NOTCH1: variants seen among roughly 807,000 people sequenced by gnomAD.
The protein encoded by NOTCH1 is notch receptor 1.
A neutral mutation model predicts 254.8 loss-of-function variants in NOTCH1; 37 were observed. That is an observed-to-expected ratio of 0.15 (90% confidence interval 0.11 to 0.19). The LOEUF is 0.19. Among genes scored for constraint, NOTCH1 ranks in the 10% least tolerant of loss-of-function variants. The pLI is 1.00. For missense variants in NOTCH1, 2,972 were observed against 3,708.6 expected, an observed-to-expected ratio of 0.80 and a Z score of 5.16; for synonymous variants, 1,731 against 1,618.1, an observed-to-expected ratio of 1.07 and a Z score of -1.68.
At chr9:136,526,920 A>G (rs1843469492) in intron 2 of NOTCH1, among the ~76,000 whole-genome samples, 1 of 151,906 alleles carries the variant, frequency 6.6e-6, no homozygotes, top group Non-Finnish European at 1.5e-5. Context: ...CCCGTGGGGG[A>G]ATGCAGGCTG....
Position 136,502,255 on chromosome 9 carries a change from G to A in NOTCH1, c.5384+17C>T, listed in dbSNP as rs1843009580. Reference sequence around the variant, plus strand: ...CCTCCCACCGGGGACCCAGAAGCAGGGGCGGCGTCCGCTCACTTGAGGCCC... The same window carrying A: ...CCTCCCACCGGGGACCCAGAAGCAGAGGCGGCGTCCGCTCACTTGAGGCCC... On this transcript the variant is annotated intron_variant, in intron 28 of 33. Transcript: ENST00000651671. 5.0e-6 allele frequency: 8 copies of A among 1,608,670 alleles called. No individual in the cohort carries two copies. The East Asian group carries it at 1.1e-4, about 22-fold the overall frequency.
intron 2 of NOTCH1, among the ~76,000 whole-genome samples, chr9:136,525,541 A>G (rs939328662): frequency 7.9e-5 from 12 of 152,184 alleles, no homozygotes; most frequent in African/African-American, 2.9e-4. Context: ...CCTCCTCCAG[A>G]TGGGATGTAC....
At chr9:136,500,488 A>T (rs2133325142) in intron 31 of NOTCH1, 64 bp downstream of exon 31, 1 of 1,589,112 alleles carries the variant, frequency 6.3e-7, no homozygotes, top group South Asian at 1.1e-5. Flanking sequence ...AAGCCTGGCC[A>T]CTGCCCCAGA....
At position 136,498,912 on chromosome 9, in the gene NOTCH1, A is replaced by C; in HGVS notation, c.6167T>G (p.Met2056Arg). ...CCTCGCGCTCACCCTGTTGTTCTGCATATCTTTGTTAGCCCCGTTCTTCAG... is the reference window on the plus strand; with the variant it reads ...CCTCGCGCTCACCCTGTTGTTCTGCCTATCTTTGTTAGCCCCGTTCTTCAG... ...VLLKNGANKD[M>R]QNNREETPLF... Residue 2056 changes from methionine (M) to arginine (R), a missense_variant, in exon 33 of 34, where the codon ATG becomes AGG. This residue lies in a region of NOTCH1 where 421 missense variants were observed against 604.4 expected (regional missense o/e 0.70). Transcript: ENST00000651671. The C allele has an allele frequency of 6.2e-7, 1 of 1,613,616 alleles. No homozygotes were observed. The highest frequency in any genetic ancestry group is 1.6e-4 in the Middle Eastern group (1 of 6,062).
chr9:136,495,956 T>C lies in NOTCH1; in HGVS notation c.*115A>G. ...AAAATTAAAATCCTCGTTCTTATTTTGTATAAAAACATGTGTTTTAAAAAG... is the reference window on the plus strand; with the variant it reads ...AAAATTAAAATCCTCGTTCTTATTTCGTATAAAAACATGTGTTTTAAAAAG... On this transcript the variant is annotated 3_prime_UTR_variant, in exon 34 of 34. Coordinates refer to ENST00000651671, the MANE Select transcript of NOTCH1 (RefSeq NM_017617.5). The C allele has an allele frequency of 9.1e-7, 1 of 1,100,394 alleles. No homozygotes were observed. The highest frequency in any genetic ancestry group is 1.3e-6 in the Non-Finnish European group (1 of 787,994). The allele number at this position is 1,100,394 out of a possible 1,614,324, so 68.2% of individuals were successfully genotyped here. A position where few individuals can be genotyped will look rare whatever the true frequency, so the allele number is the denominator to read the frequency against.
chr9:136,524,588 C>T (rs942295367), intron 2 of NOTCH1, among the ~76,000 whole-genome samples: 13 of 151,348 alleles, frequency 8.6e-5, no homozygotes, highest in Admixed American at 2.6e-4. Context: ...ATGGCAGCCA[C>T]GGAAAGTGTG....
At chr9:136,499,402 C>T (rs531540992) in intron 31 of NOTCH1, 143 bp from the exon 32 acceptor site, 39 of 1,266,562 alleles carry the variant, frequency 3.1e-5, no homozygotes, top group Middle Eastern at 2.7e-4. Context: ...CCGGGCAAGA[C>T]GAAACGCCAT....
chr9:136,494,652 A>T lies in NOTCH1; in HGVS notation c.*1419T>A. ...CACGCGGCCCCCGTAGAGCCGGGGG[A>T]GGCTGCCCTGAGGAGTGCAGGCGGC... On this transcript the variant is annotated 3_prime_UTR_variant, in exon 34 of 34. Transcript: ENST00000651671. 2 of 398,640 alleles carry T rather than the reference A, an allele frequency of 5.0e-6. No individual in the cohort carries two copies. The highest frequency in any genetic ancestry group is 8.8e-6 in the Non-Finnish European group (2 of 226,010). The allele number at this position is 398,640 out of a possible 1,614,324, so 24.7% of individuals were successfully genotyped here. A position where few individuals can be genotyped will look rare whatever the true frequency, so the allele number is the denominator to read the frequency against.
chr9:136,514,770 T>C, intron 12 of NOTCH1, 68 bp from the exon 13 acceptor site: 1 of 1,496,164 alleles, frequency 6.7e-7, no homozygotes, highest in Non-Finnish European at 9.2e-7. Context: ...CAACCTCGAT[T>C]TCCCTGTCTG....
rs1371022203 is a variant in NOTCH1 at position 136,499,222 on chromosome 9, C to T, written c.5972G>A (p.Arg1991His). The T allele has an allele frequency of 1.4e-5, 22 of 1,613,138 alleles. No homozygotes were observed. The highest frequency in any genetic ancestry group is 1.8e-5 in the Non-Finnish European group (21 of 1,180,002). The change falls in exon 32 of 34, where the codon CGC becomes CAC. Residue 1991 changes from arginine to histidine, a missense_variant. By Grantham distance (29) the Arg-to-His change is conservative. Coordinates refer to ENST00000651671, the MANE Select transcript of NOTCH1 (RefSeq NM_017617.5). ...IRNRATDLDARMHDGTTPLIL... is the reference protein window; with the variant it reads ...IRNRATDLDAHMHDGTTPLIL... ...CAGTGGCGTCGTGCCATCATGCATG[C>T]GGGCATCCAGGTCTGTGGCTCGGTT...
chr9:136,507,826 C>T (rs1350403564), intron 21 of NOTCH1, 129 bp downstream of exon 21: 1 of 1,002,880 alleles, frequency 1.0e-6, no homozygotes, highest in Non-Finnish European at 1.5e-6. Context: ...CCAGCCCTCC[C>T]CTAATGAGAC....
chr9:136,506,346 A>T lies in NOTCH1; in HGVS notation c.4014+181T>A, dbSNP rs956556840. 6.6e-6 allele frequency among the ~76,000 whole-genome samples: 1 copy of T among 151,708 alleles called. No homozygotes were observed. Among genetic ancestry groups the T allele is most frequent in the African/African-American group, 2.4e-5 (1 of 41,268 alleles). On this transcript the variant is annotated intron_variant, in intron 24 of 33. Coordinates refer to ENST00000651671, the MANE Select transcript of NOTCH1 (RefSeq NM_017617.5). This position sits in a 1 kb window ranked among gnomAD's most constrained non-coding sequence, Gnocchi z 4.5. ...AGTCTACTTCCTGCTCCATTTTTCTATAAATCTAAAATGTCTCTAAAATCA... is the reference window on the plus strand; with the variant it reads ...AGTCTACTTCCTGCTCCATTTTTCTTTAAATCTAAAATGTCTCTAAAATCA...
Position 136,517,385 on chromosome 9 carries a change from C to T in NOTCH1, c.1442G>A (p.Gly481Asp). The T allele has an allele frequency of 6.3e-7, 1 of 1,588,510 alleles. No individual in the cohort carries two copies. Among genetic ancestry groups the T allele is most frequent in the Non-Finnish European group, 8.6e-7 (1 of 1,166,614 alleles). ...GACCTCGCAGTGCACACCCTCGTAG[C>T]CTGTGGGGTGGGGCAACAGTGAGGG... ...IGEFQCICMP[G>D]YEGVHCEVNT... is the part of the protein sequence containing the mutation. The change falls in exon 9 of 34, where the codon GGC becomes GAC. Residue 481 changes from glycine to aspartate, a missense_variant and splice_region_variant. Around this residue, in one of 8 missense-constraint regions of NOTCH1, gnomAD observed 128 missense variants for 193.8 expected, o/e 0.66. Coordinates refer to ENST00000651671, the MANE Select transcript of NOTCH1 (RefSeq NM_017617.5).
At chr9:136,516,669 C>G (rs1242590196) in intron 9 of NOTCH1, among the ~76,000 whole-genome samples, 1 of 152,182 alleles carries the variant, frequency 6.6e-6, no homozygotes, top group African/African-American at 2.4e-5. Flanking sequence ...CTCAGAAAGC[C>G]AGGCTGGAGC....
chr9:136,533,041 G>A (rs549501008), intron 2 of NOTCH1, among the ~76,000 whole-genome samples: 23 of 152,322 alleles, frequency 1.5e-4, no homozygotes, highest in Non-Finnish European at 2.9e-4. Context: ...GACCCTGGAG[G>A]CCCAGGACAG....
intron 2 of NOTCH1, chr9:136,543,753 A>G (rs1211261799): frequency 1.7e-6 from 1 of 582,818 alleles, no homozygotes; most frequent in East Asian, 2.9e-5. Context: ...GAATTGGGGT[A>G]CTGGGACTCC....
intron 22 of NOTCH1, 34 bp downstream of exon 22, chr9:136,507,271 G>A (rs1216828055): frequency 6.2e-7 from 1 of 1,612,674 alleles, no homozygotes; most frequent in Non-Finnish European, 8.5e-7. Context: ...GGCCATGGAT[G>A]GCCAACACCA....
intron 2 of NOTCH1, among the ~76,000 whole-genome samples, chr9:136,532,977 G>A (rs1008966979): frequency 3.3e-5 from 5 of 152,204 alleles, no homozygotes; most frequent in East Asian, 3.8e-4. Flanking sequence ...CAGGGCTGCC[G>A]ACAGCCCAGC....
intron 31 of NOTCH1, among the ~76,000 whole-genome samples, chr9:136,499,679 G>A (rs998313545): frequency 2.0e-5 from 3 of 152,220 alleles, no homozygotes; most frequent in Admixed American, 6.5e-5. Flanking sequence ...CCAGAGAGGG[G>A]GTGGGCAGCC....
Sources: gnomAD v4.1 joint callset for allele counts (sites outside exome capture counted in the v4.1 genomes callset) on GRCh38, gnomAD v4.1.1 for gene constraint, gnomAD v4.1.1 regional missense constraint, Gnocchi (gnomAD v3.1) non-coding constraint, MANE v1.5 for transcripts, NCBI Gene and HGNC (gene_info 2026-07-23, HGNC 2026-07-21) for gene names.